The following DST variants were observed in gnomAD, a reference collection of about 807,000 sequenced individuals.
The protein encoded by DST is bullous pemphigoid antigen.
In DST, 253 loss-of-function variants were observed where a neutral mutation model predicts 875.2. The ratio of observed to expected loss-of-function variants is 0.29; its 90% CI spans 0.26 to 0.32. The LOEUF (loss-of-function observed/expected upper bound fraction) is 0.32. Ranked by LOEUF, DST falls within the 10% of genes least tolerant of loss-of-function variation. DST has a pLI of 1.00. For synonymous variants in DST, 3,124 were observed against 3,197.1 expected (o/e 0.98, Z 0.77); for missense variants, 8,287 against 9,111.6 (o/e 0.91, Z 3.68).
In DST at chr6:56,895,077, G is replaced by A. The variant is rs1386444449; in HGVS notation, c.417+5344C>T. On this transcript the variant is annotated intron_variant, in intron 3 of 103. Coordinates refer to ENST00000680361, the MANE Select transcript of DST (RefSeq NM_001374736.1). ...GGACGGGGCGACTGGCCGGGCAGAG[G>A]GGCTCCTCACTTCCCAGTAGGGGCG... is the stretch of plus-strand genomic sequence containing the variant. Among the ~76,000 whole-genome samples, 4 of 101,568 alleles carry A rather than the reference G, an allele frequency of 3.9e-5. 1 individual carries two copies. The highest frequency in any genetic ancestry group is 5.8e-5 in the Non-Finnish European group (3 of 51,928). The allele number at this position is 101,568 out of a possible 152,430, so 66.6% of individuals were successfully genotyped here. A position where few individuals can be genotyped will look rare whatever the true frequency, so the allele number is the denominator to read the frequency against.
At position 56,954,436 on chromosome 6, in the gene DST, G is replaced by T; in HGVS notation, c.152C>A (p.Ser51Ter). ...KLQKGRHPMK[S>*]VFSGRSRSRD... ...GCTTCTTGAACGACCCGAGAAGACC[G>T]ATTTCATCGGATGCCTCCCTTTCTG... The change falls in exon 1 of 104, where the codon TCG becomes TAG. Residue 51 changes from serine (S) to a stop codon, truncating the protein, a stop_gained. Coordinates refer to ENST00000680361, the MANE Select transcript of DST (RefSeq NM_001374736.1). LOFTEE classifies it high-confidence loss of function. 1 of 1,367,492 alleles carries T rather than the reference G, an allele frequency of 7.3e-7. No individual in the cohort carries two copies. The highest frequency in any genetic ancestry group is 9.8e-7 in the Non-Finnish European group (1 of 1,021,790). The allele number at this position is 1,367,492 out of a possible 1,614,324, so 84.7% of individuals were successfully genotyped here. A position where few individuals can be genotyped will look rare whatever the true frequency, so the allele number is the denominator to read the frequency against.
chr6:56,601,810 C>G (rs1388133638), intron 43 of DST, 134 bp from the exon 44 acceptor site: 3 of 576,218 alleles, frequency 5.2e-6, no homozygotes, highest in Non-Finnish European at 3.0e-6. Flanking sequence ...TTTTGCTATT[C>G]ATCAAAAATC....
intron 3 of DST, among the ~76,000 whole-genome samples, chr6:56,896,903 A>G (rs1791604354): frequency 6.6e-6 from 1 of 152,084 alleles, no homozygotes; most frequent in Non-Finnish European, 1.5e-5. Flanking sequence ...ATTCTCTCCC[A>G]CTTTGTGGGC....
At position 56,614,353 on chromosome 6, in the gene DST, T is replaced by C; in HGVS notation, c.5058+3A>G. On this transcript the variant is annotated splice_donor_region_variant and intron_variant, in intron 37 of 103. Transcript: ENST00000680361. ...ATTATTAAACCAGGACTTCTGTGAA[T>C]ACCTTTTGCTTAGAGAAGGGAGGTT... 2.5e-6 allele frequency: 4 copies of C among 1,600,298 alleles called. No individual in the cohort carries two copies. Among genetic ancestry groups the C allele is most frequent in the Non-Finnish European group, 3.4e-6 (4 of 1,174,096 alleles).
chr6:56,691,185 T>A (rs1024528724), intron 9 of DST, among the ~76,000 whole-genome samples: 1 of 152,196 alleles, frequency 6.6e-6, no homozygotes, highest in Non-Finnish European at 1.5e-5. Flanking sequence ...GGAAAACATA[T>A]GTGAAATTAA....
chr6:56,534,629 T>C (rs1041125497), intron 63 of DST, among the ~76,000 whole-genome samples: 2 of 152,226 alleles, frequency 1.3e-5, no homozygotes, highest in Non-Finnish European at 2.9e-5. Flanking sequence ...ATCAACCTAA[T>C]ATATAAGGGA....
chr6:56,543,298 G>A (rs1451837617), intron 61 of DST, among the ~76,000 whole-genome samples: 2 of 152,226 alleles, frequency 1.3e-5, no homozygotes, highest in Non-Finnish European at 1.5e-5. Flanking sequence ...GAAGTCGAGA[G>A]TGTTTTGCCG....
At chr6:56,464,046 A>C in intron 100 of DST, 1 of 476,840 alleles carries the variant, frequency 2.1e-6, no homozygotes, top group Non-Finnish European at 3.9e-6. Flanking sequence ...AGAAAGTGTC[A>C]GCATGAAAAT....
intron 3 of DST, among the ~76,000 whole-genome samples, chr6:56,885,829 CCAGTCT>C (rs1179787294): frequency 6.6e-6 from 1 of 152,098 alleles, no homozygotes; most frequent in Non-Finnish European, 1.5e-5. Context: ...TATAAATTAC[CCAGTCT>C]CAGGTATTCT....
chr6:56,811,183 C>CA (rs371256050), intron 4 of DST, among the ~76,000 whole-genome samples: 1,780 of 33,190 alleles, frequency 0.054, 194 homozygotes, highest in East Asian at 0.31. Context: ...GACCCTGTCT[C>CA]AAAAAAAAAA....
At chr6:56,908,578 C>CA (rs775436292) in intron 2 of DST, among the ~76,000 whole-genome samples, 14 of 152,118 alleles carry the variant, frequency 9.2e-5, no homozygotes, top group Non-Finnish European at 1.6e-4. Context: ...GTGCCACTGT[C>CA]AGAGGCGTTT....
chr6:56,505,798 CCCGAGTTGG>C (rs1459589285), intron 77 of DST, among the ~76,000 whole-genome samples: 2 of 151,854 alleles, frequency 1.3e-5, no homozygotes, highest in African/African-American at 4.8e-5. Flanking sequence ...GAGAAATATA[CCCGAGTTGG>C]CCTCAACTGA....
intron 9 of DST, among the ~76,000 whole-genome samples, chr6:56,678,498 T>C (rs955972553): frequency 6.6e-6 from 1 of 152,198 alleles, no homozygotes; most frequent in Non-Finnish European, 1.5e-5. Flanking sequence ...CAGATCCCTG[T>C]AACAAAAGAT....
intron 4 of DST, among the ~76,000 whole-genome samples, chr6:56,844,410 C>T (rs1160350454): frequency 6.6e-6 from 1 of 152,220 alleles, no homozygotes; most frequent in East Asian, 1.9e-4. Context: ...TCACCTCCCT[C>T]CTGCTCTCTC....
intron 4 of DST, among the ~76,000 whole-genome samples, chr6:56,786,197 A>G (rs2099705158): frequency 6.6e-6 from 1 of 152,200 alleles, no homozygotes; most frequent in South Asian, 2.1e-4. Flanking sequence ...AGAGTCTACT[A>G]CTAGCAATGA....
chr6:56,880,828 ACTGT>A (rs1453536619), intron 3 of DST, among the ~76,000 whole-genome samples: 3 of 145,512 alleles, frequency 2.1e-5, no homozygotes, highest in African/African-American at 7.5e-5. Context: ...AATATAAAAT[ACTGT>A]CTTTCTTTTT....
chr6:56,478,849 A>G (rs2095305954), intron 90 of DST, among the ~76,000 whole-genome samples: 1 of 152,232 alleles, frequency 6.6e-6, no homozygotes. Flanking sequence ...TCTTCTGGAC[A>G]TCGGCCTAGG....
intron 82 of DST, among the ~76,000 whole-genome samples, chr6:56,496,718 T>C (rs1490980276): frequency 6.6e-6 from 1 of 152,124 alleles, no homozygotes; most frequent in East Asian, 1.9e-4. Flanking sequence ...ACTGACACAC[T>C]AACCTTTGTG....
chr6:56,497,570 G>A, intron 81 of DST, 63 bp from the exon 82 acceptor site: 1 of 1,571,982 alleles, frequency 6.4e-7, no homozygotes, highest in Non-Finnish European at 8.6e-7. Context: ...CAGGAAATAA[G>A]CTTCAAACAA....
Sources: allele counts gnomAD v4.1 joint callset (sites outside exome capture counted in the v4.1 genomes callset), GRCh38; gene constraint gnomAD v4.1.1; transcripts MANE v1.5; gene names NCBI Gene and HGNC (gene_info 2026-07-23, HGNC 2026-07-21).